Variants in KLHL3 observed in about 807,000 individuals in gnomAD.
KLHL3 encodes kelch-like protein 3.
In KLHL3, 19 loss-of-function variants were observed where a neutral mutation model predicts 70.5. The observed-to-expected ratio is 0.27, with a 90% CI of 0.19 to 0.40. The LOEUF (loss-of-function observed/expected upper bound fraction) is 0.40, where lower values mean the gene tolerates loss of function less well. Ranked by LOEUF, KLHL3 falls within the 10% of genes least tolerant of loss-of-function variation. The pLI is 1.00. For synonymous variants in KLHL3, 258 were observed against 290.3 expected, an observed-to-expected ratio of 0.89 and a Z score of 1.13; for missense variants, 512 against 771.1, an observed-to-expected ratio of 0.66 and a Z score of 3.98.
At position 137,677,644 on chromosome 5, in the gene KLHL3, A is replaced by G. The variant is rs1272277683; in HGVS notation, c.537T>C (p.Phe179=). The change falls in exon 6 of 15, where the codon TTT becomes TTC. Residue 179 remains phenylalanine (F), a synonymous_variant. Transcript: ENST00000309755. The stretch of plus-strand genomic sequence containing the variant: ...ATTCTTCTCCTAGCATCACCTCTGG[A>G]AAGTGCTGCTCTGTTCCAAAAAAAA... ...QQANAYAEQH[F]PEVMLGEEFL... is the part of the protein sequence containing the mutation. 1.3e-6 allele frequency: 2 copies of G among 1,597,232 alleles called. No individual in the cohort carries two copies. The highest frequency in any genetic ancestry group is 2.3e-5 in the East Asian group (1 of 44,438).
intron 13 of KLHL3, among the ~76,000 whole-genome samples, chr5:137,626,384 C>T (rs913439413): frequency 6.6e-6 from 1 of 152,164 alleles, no homozygotes; most frequent in African/African-American, 2.4e-5. Context: ...AATCCCTTTA[C>T]AAGACTGGGT....
intron 3 of KLHL3, among the ~76,000 whole-genome samples, chr5:137,702,771 C>T (rs1752597206): frequency 6.6e-6 from 1 of 152,158 alleles, no homozygotes; most frequent in Admixed American, 6.5e-5. Context: ...GTGTCTTGAA[C>T]TTCTTTAAAT....
intron 1 of KLHL3, among the ~76,000 whole-genome samples, chr5:137,725,328 T>C (rs1402467102): frequency 6.6e-6 from 1 of 152,144 alleles, no homozygotes; most frequent in African/African-American, 2.4e-5. Flanking sequence ...CCATGAGATG[T>C]TTTCTGTTGA....
chr5:137,704,738 A>C (rs1286915615), intron 3 of KLHL3, among the ~76,000 whole-genome samples: 1 of 152,148 alleles, frequency 6.6e-6, no homozygotes, highest in Non-Finnish European at 1.5e-5. Flanking sequence ...GTTGAACCAC[A>C]AGCCAAATTC....
At chr5:137,668,550 G>T (rs930815288) in intron 6 of KLHL3, among the ~76,000 whole-genome samples, 1 of 152,160 alleles carries the variant, frequency 6.6e-6, no homozygotes, top group Non-Finnish European at 1.5e-5. Context: ...AGGGATTGAG[G>T]CAATACCATT....
At chr5:137,727,044 A>T (rs1219111761) in intron 1 of KLHL3, among the ~76,000 whole-genome samples, 1 of 152,040 alleles carries the variant, frequency 6.6e-6, no homozygotes, top group East Asian at 1.9e-4. Context: ...CACATATCCA[A>T]TGTCTTATTT....
intron 8 of KLHL3, among the ~76,000 whole-genome samples, chr5:137,656,397 T>C (rs1580736893): frequency 6.6e-6 from 1 of 152,204 alleles, no homozygotes; most frequent in Admixed American, 6.5e-5. Flanking sequence ...GTTCAATCTG[T>C]ATAGCAATAC....
intron 2 of KLHL3, among the ~76,000 whole-genome samples, chr5:137,712,616 A>T (rs1328564204): frequency 6.6e-6 from 1 of 152,152 alleles, no homozygotes; most frequent in Non-Finnish European, 1.5e-5. Flanking sequence ...ACTCCTATTC[A>T]ATTTACCTGG....
At chr5:137,635,306 A>G (rs1750740466) in intron 11 of KLHL3, among the ~76,000 whole-genome samples, 2 of 152,004 alleles carry the variant, frequency 1.3e-5, no homozygotes, top group Admixed American at 1.3e-4. Context: ...AAAGAAACAC[A>G]TCGTCCTCAG....
rs1344162060 is a variant in KLHL3, at chr5:137,627,474, ACCAC to A, written c.1591+819_1591+822del. 1.4e-3 allele frequency among the ~76,000 whole-genome samples: 74 copies of A among 53,108 alleles called. 7 individuals are homozygous for A. The highest frequency in any genetic ancestry group is 3.8e-3 in the African/African-American group (70 of 18,656). The allele number at this position is 53,108 out of a possible 152,430, so 34.8% of individuals were successfully genotyped here. On this transcript the variant is annotated intron_variant, in intron 13 of 14. Coordinates refer to ENST00000309755, the MANE Select transcript of KLHL3 (RefSeq NM_017415.3). ...GGCAATGAGTAAATTAGTAAATATC[ACCAC>A]CCCCCCCCCCGGTTTACACTTCCAA...
intron 5 of KLHL3, among the ~76,000 whole-genome samples, chr5:137,691,358 G>C (rs1054781478): frequency 6.6e-6 from 1 of 152,190 alleles, no homozygotes; most frequent in African/African-American, 2.4e-5. Context: ...TGTATAAAGG[G>C]AAAGTCTGCA....
At chr5:137,682,403 T>TAG (rs10578622) in intron 5 of KLHL3, among the ~76,000 whole-genome samples, 2,796 of 133,430 alleles carry the variant, frequency 0.021, 101 homozygotes, top group African/African-American at 0.068. Context: ...GTGCTGGACA[T>TAG]AGAGAGAGAG....
intron 7 of KLHL3, among the ~76,000 whole-genome samples, chr5:137,659,554 A>G (rs1223274921): frequency 6.6e-6 from 1 of 152,212 alleles, no homozygotes; most frequent in Non-Finnish European, 1.5e-5. Flanking sequence ...GCTTGAGACA[A>G]ATCATAAACT....
chr5:137,668,279 G>A (rs1195767582), intron 6 of KLHL3, among the ~76,000 whole-genome samples: 5 of 152,054 alleles, frequency 3.3e-5, no homozygotes, highest in South Asian at 2.1e-4. Context: ...GCGTGGTGGC[G>A]CACACCTGTG....
At chr5:137,706,179 C>G (rs1312169550) in intron 3 of KLHL3, 1 of 985,312 alleles carries the variant, frequency 1.0e-6, no homozygotes, top group African/African-American at 1.7e-5. Flanking sequence ...AACATTTAAG[C>G]TTGAGTAAAA....
At chr5:137,672,496 C>T (rs1022030975) in intron 6 of KLHL3, among the ~76,000 whole-genome samples, 6 of 152,284 alleles carry the variant, frequency 3.9e-5, no homozygotes, top group Admixed American at 2.0e-4. Context: ...AGTTCTTATT[C>T]CAGAACATAC....
intron 5 of KLHL3, among the ~76,000 whole-genome samples, chr5:137,678,065 T>G (rs1029830850): frequency 1.3e-5 from 2 of 152,062 alleles, no homozygotes; most frequent in Non-Finnish European, 2.9e-5. Context: ...CAAAAATGGG[T>G]CAGAACTGCT....
intron 11 of KLHL3, among the ~76,000 whole-genome samples, chr5:137,636,728 A>G (rs765150049): frequency 2.0e-5 from 3 of 152,142 alleles, no homozygotes; most frequent in Non-Finnish European, 2.9e-5. Flanking sequence ...TTTTACAAAC[A>G]AAAGTGTACC....
intron 3 of KLHL3, among the ~76,000 whole-genome samples, chr5:137,700,371 G>C (rs942230368): frequency 1.1e-4 from 17 of 152,188 alleles, no homozygotes; most frequent in African/African-American, 4.1e-4. Context: ...TTAAAAAATA[G>C]AGCAGCCGGA....
Sources: gnomAD v4.1 joint callset for allele counts (sites outside exome capture counted in the v4.1 genomes callset) on GRCh38, gnomAD v4.1.1 for gene constraint, MANE v1.5 for transcripts, NCBI Gene and HGNC (gene_info 2026-07-23, HGNC 2026-07-21) for gene names.